NLRP11: variants seen among roughly 807,000 people sequenced by gnomAD.
The protein encoded by NLRP11 is NLR family pyrin domain containing 11.
In NLRP11, 53 loss-of-function variants were observed where a neutral mutation model predicts 79.3. That is an observed-to-expected ratio of 0.67 (90% CI 0.54 to 0.84). The LOEUF (loss-of-function observed/expected upper bound fraction) is 0.84, where lower values mean the gene tolerates loss of function less well. Among genes scored for constraint, NLRP11 ranks in the 40% least tolerant of loss-of-function variants. NLRP11 has a pLI of 0.00. For missense variants in NLRP11, 1,264 were observed against 1,255.0 expected (o/e 1.01, Z -0.11); for synonymous variants, 518 against 462.6 (o/e 1.12, Z -1.54).
exon 3 of NLRP11, chr19:55,810,327 C>T (rs770840218): frequency 3.1e-6 from 5 of 1,608,216 alleles, no homozygotes; most frequent in Non-Finnish European, 3.4e-6. Context: ...GCTTTGCATG[C>T]CTCCTGATTG....
Position 55,797,045 on chromosome 19 carries a change from T to TC in NLRP11, c.2172-796dup, listed in dbSNP as rs397704494. 1.3e-4 allele frequency among the ~76,000 whole-genome samples: 13 copies of TC among 101,538 alleles called. No homozygotes were observed. In the African/African-American group the frequency reaches 1.6e-3, roughly 12 times the overall value. The allele number at this position is 101,538 out of a possible 152,430, so 66.6% of individuals were successfully genotyped here. A position where few individuals can be genotyped will look rare whatever the true frequency, so the allele number is the denominator to read the frequency against. ...TCCTCCCTGATCTCCTCACTCTCCC[T>TC]CAAGTCCACAAGCATATTTTTGCTT... On this transcript the variant is annotated intron_variant, in intron 5 of 9. Transcript: ENST00000589093.
intron 5 of NLRP11, among the ~76,000 whole-genome samples, chr19:55,801,354 G>A (rs952656330): frequency 1.3e-5 from 2 of 152,140 alleles, no homozygotes; most frequent in Non-Finnish European, 2.9e-5. Flanking sequence ...TCAGTCAAGG[G>A]AGGGAGAAGC....
At chr19:55,789,006 G>T (rs1990076489) in intron 8 of NLRP11, 29 bp from the exon 9 acceptor site, 2 of 1,611,016 alleles carry the variant, frequency 1.2e-6, no homozygotes, top group Non-Finnish European at 1.7e-6. Flanking sequence ...GGTAAGGTGG[G>T]GCCAAATCCT....
chr19:55,805,540 T>A (rs75784622), intron 4 of NLRP11, among the ~76,000 whole-genome samples: 8 of 150,472 alleles, frequency 5.3e-5, no homozygotes, highest in Non-Finnish European at 1.2e-4. Context: ...AAGGTTTTGT[T>A]TTTTTTTTTA....
At chr19:55,797,033 C>T (rs1167732507) in intron 5 of NLRP11, among the ~76,000 whole-genome samples, 3 of 136,444 alleles carry the variant, frequency 2.2e-5, no homozygotes, top group Admixed American at 6.8e-5. Context: ...TCCCTGATCT[C>T]CTCACTCTCC....
intron 9 of NLRP11, among the ~76,000 whole-genome samples, chr19:55,788,543 A>G (rs1990025443): frequency 6.6e-6 from 1 of 151,652 alleles, no homozygotes. Flanking sequence ...GATTGAGACC[A>G]CCCTGGCCAA....
chr19:55,795,558 C>T (rs1008525507), intron 6 of NLRP11, among the ~76,000 whole-genome samples: 32 of 152,122 alleles, frequency 2.1e-4, no homozygotes, highest in African/African-American at 5.3e-4. Context: ...GGCACAATCT[C>T]GGTTCACTGC....
intron 2 of NLRP11, 31 bp from the exon 3 acceptor site, chr19:55,810,369 A>C (rs750900201): frequency 6.5e-7 from 1 of 1,549,032 alleles, no homozygotes; most frequent in Non-Finnish European, 8.7e-7. Flanking sequence ...CAGAAAATAC[A>C]GAACAAAGAT....
chr19:55,800,171 G>C (rs1979338548), intron 5 of NLRP11, among the ~76,000 whole-genome samples: 1 of 152,182 alleles, frequency 6.6e-6, no homozygotes, highest in South Asian at 2.1e-4. Flanking sequence ...GTACTTATTG[G>C]AGATGAAGTC....
At chr19:55,807,989 T>C (rs1348323673) in exon 4 of NLRP11, 5 of 1,610,448 alleles carry the variant, frequency 3.1e-6, no homozygotes, top group South Asian at 2.2e-5. Context: ...CAGATCTCTC[T>C]CCAGTAGACA....
chr19:55,792,456 A>T lies in NLRP11; in HGVS notation c.2358T>A (p.Cys786Ter). 1 of 1,614,032 alleles carries T rather than the reference A, an allele frequency of 6.2e-7. No individual in the cohort carries two copies. The highest frequency in any genetic ancestry group is 1.1e-5 in the South Asian group (1 of 91,084). Residue 786 changes from cysteine to a stop codon, truncating the protein, a stop_gained, in exon 7 of 10, where the codon TGT becomes TGA. Coordinates refer to ENST00000589093, the Ensembl canonical transcript of NLRP11. LOFTEE classifies it high-confidence loss of function. ...GGGCGCTGCAGCAATTTTCAGTGAG[A>T]CAGCAGAAGACTAACCTGCACACAG...
At position 55,809,907 on chromosome 19, in the gene NLRP11, T is replaced by G; in HGVS notation, c.703A>C (p.Arg235=). 1 of 1,614,162 alleles carries G rather than the reference T, an allele frequency of 6.2e-7. No homozygotes were observed. Among genetic ancestry groups the G allele is most frequent in the Non-Finnish European group, 8.5e-7 (1 of 1,179,968 alleles). ...CTTTCATTGACATTTAACTCGAATC[T>G]TATGTTGTCCAAGTCCTCGAGGATG... The change falls in exon 3 of 10, where the codon AGA becomes CGA. Residue 235 remains arginine (R), a synonymous_variant. Transcript: ENST00000589093. The surrounding 1 kb of genome is among the most constrained non-coding windows in gnomAD (Gnocchi z 4.5).
chr19:55,833,088 T>A (rs193101930), upstream of NLRP11, among the ~76,000 whole-genome samples: 322 of 152,334 alleles, frequency 2.1e-3, 2 homozygotes, highest in African/African-American at 7.2e-3. Context: ...GAATTTAAAA[T>A]TTTAAAGGAT....
chr19:55,788,704 C>A (rs1004212929), intron 9 of NLRP11, 103 bp downstream of exon 9: 1 of 778,854 alleles, frequency 1.3e-6, no homozygotes, highest in Non-Finnish European at 1.9e-6. Flanking sequence ...CACGCCACTG[C>A]ACTCCAGCCT....
intron 4 of NLRP11, among the ~76,000 whole-genome samples, chr19:55,803,216 G>C (rs577044155): frequency 7.9e-5 from 12 of 151,972 alleles, no homozygotes; most frequent in African/African-American, 2.9e-4. Flanking sequence ...GCGTGGTGGC[G>C]GGTGCCTGTA....
At chr19:55,817,989 T>C (rs1981312389) in exon 2 of NLRP11, 1 of 1,613,144 alleles carries the variant, frequency 6.2e-7, no homozygotes, top group Non-Finnish European at 8.5e-7. Flanking sequence ...ATATATACTG[T>C]CCCTCATAAG....
chr19:55,817,901 C>A lies in NLRP11; in HGVS notation c.271+3G>T. 1 of 1,600,066 alleles carries A rather than the reference C, an allele frequency of 6.2e-7. No homozygotes were observed. The highest frequency in any genetic ancestry group is 1.1e-5 in the South Asian group (1 of 89,710). On this transcript the variant is annotated splice_donor_region_variant and intron_variant, in intron 2 of 9. Coordinates refer to ENST00000589093, the Ensembl canonical transcript of NLRP11. The stretch of plus-strand genomic sequence containing the variant: ...TGCCCACCCTTCTCGTGACCCCACT[C>A]ACGGTTTCGTCTGCCAATGATCTTC...
intron 1 of NLRP11, among the ~76,000 whole-genome samples, chr19:55,827,662 A>C (rs955940838): frequency 2.1e-4 from 32 of 151,736 alleles, no homozygotes; most frequent in African/African-American, 7.8e-4. Context: ...AAAACATGAA[A>C]AAATGCTCAT....
chr19:55,830,594 T>C (rs1321352969), intron 1 of NLRP11, among the ~76,000 whole-genome samples: 2 of 100,156 alleles, frequency 2.0e-5, no homozygotes, highest in East Asian at 8.6e-4. Flanking sequence ...GCTTCTTAGC[T>C]TCCTAAAAAA....
Sources: allele counts gnomAD v4.1 joint callset (sites outside exome capture counted in the v4.1 genomes callset), GRCh38; gene constraint gnomAD v4.1.1; non-coding constraint Gnocchi (gnomAD v3.1); transcripts MANE v1.5; gene names NCBI Gene and HGNC (gene_info 2026-07-23, HGNC 2026-07-21).